Variants in NVL observed in about 807,000 individuals in gnomAD.
The protein encoded by NVL is nuclear VCP like, also known as nuclear valosin-containing protein-like.
Under a neutral mutation model 110.2 loss-of-function variants are expected in NVL, and 84 were observed. That is an observed-to-expected ratio of 0.76 (90% CI 0.64 to 0.91). NVL has a LOEUF of 0.91. Ranked by LOEUF, NVL falls within the 40% of genes least tolerant of loss-of-function variation. The pLI, the probability that NVL is intolerant of heterozygous loss-of-function variation, is 0.00. For synonymous variants in NVL, 354 were observed against 361.1 expected (o/e 0.98, Z 0.22); for missense variants, 882 against 1,035.9 (o/e 0.85, Z 2.04).
chr1:224,239,024 T>C (rs911566568), intron 19 of NVL, among the ~76,000 whole-genome samples: 2 of 152,256 alleles, frequency 1.3e-5, no homozygotes, highest in African/African-American at 2.4e-5. Context: ...GTCACCATTG[T>C]ACTTCATAGT....
intron 12 of NVL, among the ~76,000 whole-genome samples, chr1:224,290,943 C>T (rs12128373): frequency 0.28 from 43,121 of 151,700 alleles, 7,280 homozygotes; most frequent in Middle Eastern, 0.4. Context: ...CACTCCAGCC[C>T]GGACGACAGA....
chr1:224,244,413 T>C (rs1298130597), intron 19 of NVL, among the ~76,000 whole-genome samples: 1 of 152,082 alleles, frequency 6.6e-6, no homozygotes, highest in Non-Finnish European at 1.5e-5. Context: ...GTGATAGACC[T>C]CTTATCACCA....
chr1:224,287,083 C>T (rs1411492749), intron 14 of NVL, among the ~76,000 whole-genome samples: 3 of 152,162 alleles, frequency 2.0e-5, no homozygotes, highest in Non-Finnish European at 4.4e-5. Context: ...GAATATTATT[C>T]AGCCACAAAA....
intron 22 of NVL, among the ~76,000 whole-genome samples, chr1:224,228,662 G>A (rs934135107): frequency 9.8e-4 from 148 of 150,454 alleles, no homozygotes; most frequent in African/African-American, 3.3e-3. Flanking sequence ...AGAATGGGCC[G>A]GGCGCGGTGG....
At chr1:224,269,876 A>T (rs1664888058) in intron 17 of NVL, 1 of 151,056 alleles carries the variant, frequency 6.6e-6, no homozygotes, top group Non-Finnish European at 1.5e-5. Flanking sequence ...CAGTCTCCCA[A>T]GTGGCTGGGA....
At chr1:224,283,985 A>T (rs767851840) in intron 15 of NVL, among the ~76,000 whole-genome samples, 4 of 152,242 alleles carry the variant, frequency 2.6e-5, no homozygotes, top group Non-Finnish European at 2.9e-5. Flanking sequence ...TGTACTTATT[A>T]AAAATGTTAT....
intron 17 of NVL, among the ~76,000 whole-genome samples, chr1:224,274,637 G>A (rs1029203625): frequency 2.6e-5 from 4 of 151,768 alleles, no homozygotes; most frequent in Non-Finnish European, 4.4e-5. Context: ...ACTCCGTCTC[G>A]AAAAAAATAA....
intron 18 of NVL, among the ~76,000 whole-genome samples, chr1:224,257,841 G>C (rs531080948): frequency 4.5e-4 from 69 of 152,166 alleles, no homozygotes; most frequent in Non-Finnish European, 6.6e-4. Flanking sequence ...CACTGGGCCC[G>C]ACAAGGGATA....
In NVL at chr1:224,292,612, G is replaced by A. The variant is rs540929468; in HGVS notation, c.1325+1655C>T. 2.0e-5 allele frequency among the ~76,000 whole-genome samples: 3 copies of A among 152,134 alleles called. No homozygotes were observed. In the South Asian group the frequency reaches 6.2e-4, roughly 32 times the overall value. On this transcript the variant is annotated intron_variant, in intron 12 of 22. Transcript: ENST00000281701. ...ATACCCTGGACCTCGTCATCACCTGGATCTAGCCCCTATCTGAGATCACAA... is the reference window on the plus strand; with the variant it reads ...ATACCCTGGACCTCGTCATCACCTGAATCTAGCCCCTATCTGAGATCACAA...
At chr1:224,238,469 C>T (rs976323966) in intron 19 of NVL, among the ~76,000 whole-genome samples, 6 of 152,286 alleles carry the variant, frequency 3.9e-5, no homozygotes, top group African/African-American at 1.2e-4. Context: ...CACATACCAG[C>T]GTCTCACTGC....
At chr1:224,308,947 G>C (rs966542536) in intron 5 of NVL, among the ~76,000 whole-genome samples, 1 of 150,914 alleles carries the variant, frequency 6.6e-6, no homozygotes, top group Non-Finnish European at 1.5e-5. Flanking sequence ...TGTAGTCCCA[G>C]CTACTCGGGA....
chr1:224,256,815 C>T (rs530296414), intron 18 of NVL, among the ~76,000 whole-genome samples: 96 of 152,216 alleles, frequency 6.3e-4, no homozygotes, highest in African/African-American at 2.2e-3. Context: ...AACTCATTCT[C>T]CCGGTTTTTC....
chr1:224,312,356 CTG>C (rs1241193741), intron 4 of NVL, among the ~76,000 whole-genome samples: 4 of 152,132 alleles, frequency 2.6e-5, no homozygotes, highest in Non-Finnish European at 4.4e-5. Context: ...TTCTGCAAGA[CTG>C]TTCATGAGGG....
chr1:224,326,834 G>A (rs1671193025), intron 1 of NVL, among the ~76,000 whole-genome samples: 1 of 152,178 alleles, frequency 6.6e-6, no homozygotes, highest in South Asian at 2.1e-4. Flanking sequence ...GTCAGATACT[G>A]CAGAACTACT....
Position 224,281,331 on chromosome 1 carries a change from T to G in NVL, c.1900-146A>C, listed in dbSNP as rs1288289004. On this transcript the variant is annotated intron_variant, in intron 15 of 22. Coordinates refer to ENST00000281701, the MANE Select transcript of NVL (RefSeq NM_002533.4). ...TGTGTGTGAGATTTAGATGGAGTCTTGCTCTGTCGCCCAGGATGAAGTGCA... is the reference window on the plus strand; with the variant it reads ...TGTGTGTGAGATTTAGATGGAGTCTGGCTCTGTCGCCCAGGATGAAGTGCA... 9.0e-6 allele frequency: 6 copies of G among 668,834 alleles called. No individual in the cohort carries two copies. In the Admixed American group the frequency reaches 9.1e-5, roughly 10 times the overall value. 41.4% of individuals were successfully genotyped at this position (668,834 alleles called of 1,614,324 possible).
At chr1:224,247,561 C>T (rs1416829423) in intron 19 of NVL, among the ~76,000 whole-genome samples, 3 of 151,916 alleles carry the variant, frequency 2.0e-5, no homozygotes, top group Non-Finnish European at 4.4e-5. Context: ...CCCAGCTACT[C>T]AGGAGGTTGA....
chr1:224,302,618 G>A (rs1198296818), intron 9 of NVL, among the ~76,000 whole-genome samples: 1 of 152,182 alleles, frequency 6.6e-6, no homozygotes, highest in Non-Finnish European at 1.5e-5. Flanking sequence ...CTCAAAGTAA[G>A]TGTCTATTAT....
chr1:224,274,177 G>C (rs1241407386), intron 17 of NVL, among the ~76,000 whole-genome samples: 5 of 151,958 alleles, frequency 3.3e-5, no homozygotes, highest in African/African-American at 9.7e-5. Flanking sequence ...TGTAATCCCA[G>C]CTGCTCGGGA....
intron 17 of NVL, among the ~76,000 whole-genome samples, chr1:224,271,739 G>A (rs572431336): frequency 3.0e-4 from 46 of 152,162 alleles, no homozygotes; most frequent in South Asian, 2.5e-3. Flanking sequence ...TTTGCCAGGC[G>A]CGGTGGCTCA....
Sources: gnomAD v4.1 joint callset for allele counts (sites outside exome capture counted in the v4.1 genomes callset) on GRCh38, gnomAD v4.1.1 for gene constraint, MANE v1.5 for transcripts, NCBI Gene and HGNC (gene_info 2026-07-23, HGNC 2026-07-21) for gene names.